Variants in RHOH observed in about 807,000 individuals in gnomAD.
RHOH encodes ras homolog family member H.
Under a neutral mutation model 13.8 loss-of-function variants are expected in RHOH, and 6 were observed. The observed-to-expected ratio is 0.44, with a 90% CI of 0.24 to 0.86. The LOEUF (loss-of-function observed/expected upper bound fraction) is 0.86, where lower values mean the gene tolerates loss of function less well. Ranked by LOEUF, RHOH falls within the 40% of genes least tolerant of loss-of-function variation. The pLI is 0.24. For missense variants in RHOH, 147 were observed against 244.5 expected (o/e 0.60, Z 2.66); for synonymous variants, 117 against 103.0 (o/e 1.14, Z -0.82).
At chr4:40,215,978 G>A (rs1725828738) in intron 1 of RHOH, among the ~76,000 whole-genome samples, 1 of 151,862 alleles carries the variant, frequency 6.6e-6, no homozygotes, top group African/African-American at 2.4e-5. Context: ...TTCCACCCTG[G>A]GTGGACTCTG....
Position 40,244,176 on chromosome 4 carries a change from C to T in RHOH, c.*214C>T. 2 of 448,156 alleles carry T rather than the reference C, an allele frequency of 4.5e-6. No individual in the cohort carries two copies. Among genetic ancestry groups the T allele is most frequent in the South Asian group, 1.4e-4 (2 of 14,238 alleles). 27.8% of individuals were successfully genotyped at this position (448,156 alleles called of 1,614,324 possible). A position where few individuals can be genotyped will look rare whatever the true frequency, so the allele number is the denominator to read the frequency against. ...CCTTGCCCAGGCCAGTTAGAAAATC[C>T]CTTGGGGAACTGTGATGAATATTCC... is the stretch of plus-strand genomic sequence containing the variant. On this transcript the variant is annotated 3_prime_UTR_variant, in exon 3 of 3. Coordinates refer to ENST00000381799, the MANE Select transcript of RHOH (RefSeq NM_004310.5).
intron 1 of RHOH, among the ~76,000 whole-genome samples, chr4:40,238,799 C>T (rs1728909209): frequency 6.6e-6 from 1 of 152,206 alleles, no homozygotes; most frequent in South Asian, 2.1e-4. Flanking sequence ...CATACTTGGG[C>T]CACTCTTGCC....
intron 1 of RHOH, among the ~76,000 whole-genome samples, chr4:40,233,103 TATA>T (rs1397991067): frequency 7.9e-5 from 12 of 152,188 alleles, no homozygotes; most frequent in South Asian, 2.1e-4. Context: ...CAAGGTAAAT[TATA>T]ATAATGGTAA....
chr4:40,193,124 G>A (rs1722775210), upstream of RHOH: 1 of 152,428 alleles, frequency 6.6e-6, no homozygotes, highest in Non-Finnish European at 1.5e-5. Context: ...GGGCCATTTG[G>A]TGAGTGCTCT....
chr4:40,227,376 G>A (rs1326023215), intron 1 of RHOH, among the ~76,000 whole-genome samples: 18 of 152,214 alleles, frequency 1.2e-4, no homozygotes, highest in Admixed American at 1.2e-3. Flanking sequence ...GGCATAATGT[G>A]TATCTGAAAA....
At chr4:40,196,995 A>G (rs1723214309), upstream of RHOH, 1 of 151,666 alleles carries the variant, frequency 6.6e-6, no homozygotes, top group Admixed American at 6.6e-5. Context: ...GGCTACAGGA[A>G]ATTGACTTAG....
intron 1 of RHOH, among the ~76,000 whole-genome samples, chr4:40,213,426 C>G (rs936634064): frequency 6.6e-6 from 1 of 151,234 alleles, no homozygotes; most frequent in Non-Finnish European, 1.5e-5. Flanking sequence ...TTTGTAAAGC[C>G]TCATGGGAAA....
Position 40,246,597 on chromosome 4 carries a change from G to GTCAAGAACACTCCTTGAAGGAGA in RHOH, c.*2635_*2636insTCAAGAACACTCCTTGAAGGAGA, listed in dbSNP as rs1729782789. Reference sequence around the variant, plus strand: ...TGCTAGACTGCTGTTCTTGAAGGTAGCACTGCCTCCTGGTCTCCTCAGTGT... The same window carrying GTCAAGAACACTCCTTGAAGGAGA: ...TGCTAGACTGCTGTTCTTGAAGGTAGTCAAGAACACTCCTTGAAGGAGACACTGCCTCCTGGTCTCCTCAGTGT... On this transcript the variant is annotated 3_prime_UTR_variant, in exon 3 of 3. Coordinates refer to ENST00000381799, the MANE Select transcript of RHOH (RefSeq NM_004310.5). 1 of 152,306 alleles carries GTCAAGAACACTCCTTGAAGGAGA rather than the reference G, an allele frequency of 6.6e-6. No individual in the cohort carries two copies. Among genetic ancestry groups the GTCAAGAACACTCCTTGAAGGAGA allele is most frequent in the Admixed American group, 6.5e-5 (1 of 15,282 alleles). 9.4% of individuals were successfully genotyped at this position (152,306 alleles called of 1,614,324 possible). A position where few individuals can be genotyped will look rare whatever the true frequency, so the allele number is the denominator to read the frequency against.
At chr4:40,222,330 T>G (rs996808226) in intron 1 of RHOH, among the ~76,000 whole-genome samples, 1 of 152,214 alleles carries the variant, frequency 6.6e-6, no homozygotes, top group East Asian at 1.9e-4. Context: ...TCACAGCTAG[T>G]AAGAGGTCAA....
intron 1 of RHOH, among the ~76,000 whole-genome samples, chr4:40,200,931 T>C (rs565096646): frequency 2.6e-5 from 4 of 152,382 alleles, no homozygotes; most frequent in Middle Eastern, 3.4e-3. Context: ...CATTACTGAA[T>C]GTTCAAGTGC....
At chr4:40,221,607 T>C (rs1331515733) in intron 1 of RHOH, among the ~76,000 whole-genome samples, 3 of 152,198 alleles carry the variant, frequency 2.0e-5, no homozygotes, top group Admixed American at 6.5e-5. Flanking sequence ...GCAAACTTAA[T>C]GGATAAATGT....
intron 1 of RHOH, among the ~76,000 whole-genome samples, chr4:40,219,718 C>T (rs1726320459): frequency 6.6e-6 from 1 of 152,104 alleles, no homozygotes; most frequent in Non-Finnish European, 1.5e-5. Context: ...CAAGAGGTAG[C>T]ATCTGAGCTG....
chr4:40,230,707 G>A (rs1727828313), intron 1 of RHOH, among the ~76,000 whole-genome samples: 1 of 152,062 alleles, frequency 6.6e-6, no homozygotes, highest in African/African-American at 2.4e-5. Context: ...AAGAAGAGGT[G>A]GCTTGGGGCT....
intron 1 of RHOH, among the ~76,000 whole-genome samples, chr4:40,217,144 C>T (rs1725985960): frequency 6.6e-6 from 1 of 152,168 alleles, no homozygotes; most frequent in African/African-American, 2.4e-5. Context: ...AACTTACAGA[C>T]CTACTGAGAC....
upstream of RHOH, among the ~76,000 whole-genome samples, chr4:40,195,354 T>TTTCCTTCCTTCCTTCCTTCCTTCC (rs376202855): frequency 9.8e-5 from 9 of 92,046 alleles, 1 homozygote; most frequent in South Asian, 4.6e-4. Context: ...CTTTCTTTCT[T>TTTCCTTCCTTCCTTCCTTCCTTCC]TTCCTTCCTT....
chr4:40,241,695 C>T (rs1427172204), intron 1 of RHOH, among the ~76,000 whole-genome samples: 1 of 152,008 alleles, frequency 6.6e-6, no homozygotes, highest in South Asian at 2.1e-4. Context: ...TCATGACCAG[C>T]CTGGGCAACA....
rs74456949 is a variant in RHOH, at chr4:40,218,797, C to T, written c.-331+21497C>T. On this transcript the variant is annotated intron_variant, in intron 1 of 2. Coordinates refer to ENST00000381799, the MANE Select transcript of RHOH (RefSeq NM_004310.5). This position sits in a 1 kb window ranked among gnomAD's most constrained non-coding sequence, Gnocchi z 4.1. Reference sequence around the variant, plus strand: ...AAACAGGTTTGGAGTGGCTAAATGGCGTAAGCAAGGTCGTGTCACTAGGAG... The same window carrying T: ...AAACAGGTTTGGAGTGGCTAAATGGTGTAAGCAAGGTCGTGTCACTAGGAG... 0.016 allele frequency among the ~76,000 whole-genome samples: 2,366 copies of T among 152,254 alleles called. 31 individuals are homozygous for T. Among genetic ancestry groups the T allele is most frequent in the Non-Finnish European group, 0.025 (1,729 of 68,014 alleles).
chr4:40,231,486 C>A lies in RHOH; in HGVS notation c.-330-11228C>A, dbSNP rs76610606. On this transcript the variant is annotated intron_variant, in intron 1 of 2. Coordinates refer to ENST00000381799, the MANE Select transcript of RHOH (RefSeq NM_004310.5). ...TGTCATATGACGGCAGCCTGTGGCT[C>A]TCCTGAAAGCGCTCTGTCTCTTCAG... is the stretch of plus-strand genomic sequence containing the variant. Among the ~76,000 whole-genome samples, 1,460 of 152,278 alleles carry A rather than the reference C, an allele frequency of 9.6e-3. 16 individuals are homozygous for A. Among genetic ancestry groups the A allele is most frequent in the African/African-American group, 0.033 (1,388 of 41,556 alleles).
chr4:40,220,999 G>C (rs1010530871), intron 1 of RHOH, among the ~76,000 whole-genome samples: 2 of 152,140 alleles, frequency 1.3e-5, no homozygotes, highest in African/African-American at 2.4e-5. Flanking sequence ...TATTTCAAAA[G>C]AAGATTGAAA....
Sources: gnomAD v4.1 joint callset for allele counts (sites outside exome capture counted in the v4.1 genomes callset) on GRCh38, gnomAD v4.1.1 for gene constraint, Gnocchi (gnomAD v3.1) non-coding constraint, MANE v1.5 for transcripts, NCBI Gene and HGNC (gene_info 2026-07-23, HGNC 2026-07-21) for gene names.